The following SLC26A7 variants were observed in gnomAD, a reference collection of about 807,000 sequenced individuals.
SLC26A7 encodes the protein anion exchange transporter.
Under a neutral mutation model 82.5 loss-of-function variants are expected in SLC26A7, and 59 were observed. That is an observed-to-expected ratio of 0.72 (90% CI 0.58 to 0.89). The LOEUF (loss-of-function observed/expected upper bound fraction) is 0.89, where lower values mean the gene tolerates loss of function less well. Among genes scored for constraint, SLC26A7 ranks in the 40% least tolerant of loss-of-function variants. SLC26A7 has a pLI of 0.00. For synonymous variants in SLC26A7, 271 were observed against 274.3 expected, an observed-to-expected ratio of 0.99 and a Z score of 0.12; for missense variants, 820 against 793.0, an observed-to-expected ratio of 1.03 and a Z score of -0.41.
intron 15 of SLC26A7, among the ~76,000 whole-genome samples, chr8:91,387,070 TTTAA>T (rs1375578201): frequency 3.9e-5 from 6 of 152,116 alleles, no homozygotes; most frequent in Non-Finnish European, 8.8e-5. Context: ...TTACCTAATA[TTTAA>T]TTGTTAGAGA....
At chr8:91,358,363 C>G (rs1813937570) in intron 11 of SLC26A7, among the ~76,000 whole-genome samples, 1 of 146,032 alleles carries the variant, frequency 6.8e-6, no homozygotes, top group African/African-American at 2.6e-5. Flanking sequence ...TAGTCTCACT[C>G]CGTCCCCCAG....
intron 2 of SLC26A7, among the ~76,000 whole-genome samples, chr8:91,276,547 T>C (rs1275035894): frequency 2.0e-5 from 3 of 152,176 alleles, no homozygotes; most frequent in Non-Finnish European, 4.4e-5. Flanking sequence ...CAAGCCCCCT[T>C]GTAGCCAAGA....
At chr8:91,332,836 A>G (rs927552328) in intron 5 of SLC26A7, among the ~76,000 whole-genome samples, 1 of 151,940 alleles carries the variant, frequency 6.6e-6, no homozygotes, top group Non-Finnish European at 1.5e-5. Flanking sequence ...TTTCTTATAT[A>G]TTTTATTATT....
intron 4 of SLC26A7, among the ~76,000 whole-genome samples, chr8:91,318,003 TAA>T (rs1323764252): frequency 6.4e-5 from 9 of 139,854 alleles, no homozygotes; most frequent in African/African-American, 2.4e-4. Flanking sequence ...AAAATTAAAT[TAA>T]AAAAAAAAGA....
chr8:91,346,155 G>T (rs889950133), intron 9 of SLC26A7, among the ~76,000 whole-genome samples: 1 of 152,054 alleles, frequency 6.6e-6, no homozygotes, highest in Non-Finnish European at 1.5e-5. Context: ...AAGCTCAGTG[G>T]CAGAATATTT....
chr8:91,229,144 T>G (rs1321308459), intron 2 of SLC26A7, among the ~76,000 whole-genome samples: 1 of 152,194 alleles, frequency 6.6e-6, no homozygotes, highest in Admixed American at 6.5e-5. Context: ...ATATGTTATT[T>G]CCTCTGTCTG....
At chr8:91,279,125 G>GTATATA (rs55869816) in intron 2 of SLC26A7, among the ~76,000 whole-genome samples, 1,760 of 110,928 alleles carry the variant, frequency 0.016, 34 homozygotes, top group East Asian at 0.036. Flanking sequence ...GTGTGTGTGT[G>GTATATA]TATATATATA....
At chr8:91,345,938 G>T (rs959116444) in intron 9 of SLC26A7, among the ~76,000 whole-genome samples, 17 of 152,040 alleles carry the variant, frequency 1.1e-4, no homozygotes, top group African/African-American at 3.6e-4. Flanking sequence ...CTTGAGTTGG[G>T]TGTACAGATG....
At chr8:91,276,722 A>C (rs1176315018) in intron 2 of SLC26A7, among the ~76,000 whole-genome samples, 8 of 152,244 alleles carry the variant, frequency 5.3e-5, no homozygotes, top group African/African-American at 1.9e-4. Flanking sequence ...GAAGCAGAAA[A>C]AATTCCTTGG....
chr8:91,314,937 G>A (rs1361088433), intron 4 of SLC26A7, among the ~76,000 whole-genome samples: 1 of 152,060 alleles, frequency 6.6e-6, no homozygotes, highest in Non-Finnish European at 1.5e-5. Flanking sequence ...TCTTTTGTTT[G>A]TAACTGTTAA....
At chr8:91,323,307 A>G (rs1812842110) in intron 5 of SLC26A7, among the ~76,000 whole-genome samples, 1 of 152,198 alleles carries the variant, frequency 6.6e-6, no homozygotes. Flanking sequence ...TGGATATGAA[A>G]CAACTATATG....
intron 2 of SLC26A7, among the ~76,000 whole-genome samples, chr8:91,252,114 C>G (rs1810674376): frequency 6.6e-6 from 1 of 152,034 alleles, no homozygotes. Flanking sequence ...ATAACGCAAA[C>G]AATAGGCTCA....
chr8:91,338,330 T>C, intron 7 of SLC26A7, 98 bp downstream of exon 7: 1 of 662,228 alleles, frequency 1.5e-6, no homozygotes, highest in East Asian at 3.2e-5. Context: ...TTTCATTTCT[T>C]AATTCTAATT....
At chr8:91,351,013 G>C (rs922434876) in intron 9 of SLC26A7, among the ~76,000 whole-genome samples, 4 of 151,996 alleles carry the variant, frequency 2.6e-5, no homozygotes, top group African/African-American at 7.2e-5. Flanking sequence ...CATTCTACTA[G>C]GTCCAAATTC....
intron 1 of SLC26A7, among the ~76,000 whole-genome samples, chr8:91,210,660 G>T (rs1809897015): frequency 6.6e-6 from 1 of 151,500 alleles, no homozygotes; most frequent in Non-Finnish European, 1.5e-5. Flanking sequence ...AAGGAGATTT[G>T]ATATCTATAT....
chr8:91,221,902 T>C (rs1220246817), intron 2 of SLC26A7, among the ~76,000 whole-genome samples: 1 of 152,168 alleles, frequency 6.6e-6, no homozygotes, highest in Non-Finnish European at 1.5e-5. Flanking sequence ...TTTTTATTTC[T>C]GTGAAGAATG....
chr8:91,278,726 C>A (rs34982674), intron 2 of SLC26A7, among the ~76,000 whole-genome samples: 1 of 151,826 alleles, frequency 6.6e-6, no homozygotes, highest in Non-Finnish European at 1.5e-5. Flanking sequence ...AATTAACATA[C>A]GCATTACCTC....
At chr8:91,340,967 A>G (rs1180677270) in intron 8 of SLC26A7, among the ~76,000 whole-genome samples, 1 of 150,500 alleles carries the variant, frequency 6.6e-6, no homozygotes, top group Non-Finnish European at 1.5e-5. Flanking sequence ...TTCTGAAAAT[A>G]CTTTTGCATA....
At position 91,358,595 on chromosome 8, in the gene SLC26A7, G is replaced by T. The variant is rs185241066; in HGVS notation, c.1315-3758G>T. Among the ~76,000 whole-genome samples, 628 of 152,168 alleles carry T rather than the reference G, an allele frequency of 4.1e-3. 5 individuals are homozygous for T. Among genetic ancestry groups the T allele is most frequent in the African/African-American group, 0.014 (570 of 41,532 alleles). Reference sequence around the variant, plus strand: ...TCCACCCATCTTGGCCTCCCAAAGTGCTGGAATTACAGGTGTGAGTCACCG... The same window carrying T: ...TCCACCCATCTTGGCCTCCCAAAGTTCTGGAATTACAGGTGTGAGTCACCG... On this transcript the variant is annotated intron_variant, in intron 11 of 18. Coordinates refer to ENST00000276609, the MANE Select transcript of SLC26A7 (RefSeq NM_052832.4).
Sources: allele counts gnomAD v4.1 joint callset (sites outside exome capture counted in the v4.1 genomes callset), GRCh38; gene constraint gnomAD v4.1.1; transcripts MANE v1.5; gene names NCBI Gene and HGNC (gene_info 2026-07-23, HGNC 2026-07-21).